The following DENND6A variants were observed in gnomAD, a reference collection of about 807,000 sequenced individuals.
DENND6A encodes DENN domain containing 6A.
Under a neutral mutation model 95.5 loss-of-function variants are expected in DENND6A, and 43 were observed. The ratio of observed to expected loss-of-function variants is 0.45; its 90% CI spans 0.35 to 0.58. The LOEUF (loss-of-function observed/expected upper bound fraction) is 0.58, where lower values mean the gene tolerates loss of function less well. Among genes scored for constraint, DENND6A ranks in the 20% least tolerant of loss-of-function variants. The pLI, the probability that DENND6A is intolerant of heterozygous loss-of-function variation, is 0.00. For missense variants in DENND6A, 574 were observed against 736.0 expected (o/e 0.78, Z 2.55); for synonymous variants, 257 against 260.4 (o/e 0.99, Z 0.13).
intron 7 of DENND6A, among the ~76,000 whole-genome samples, chr3:57,660,238 A>G: frequency 6.7e-6 from 1 of 150,208 alleles, no homozygotes; most frequent in East Asian, 2.0e-4. Context: ...TTTGTCCTGC[A>G]GGCTGGAATG....
chr3:57,647,288 A>T (rs922693545), intron 9 of DENND6A, among the ~76,000 whole-genome samples: 2 of 152,222 alleles, frequency 1.3e-5, no homozygotes, highest in African/African-American at 4.8e-5. Context: ...GTGCCACAAA[A>T]GAAACAAACA....
At chr3:57,659,236 G>A in intron 7 of DENND6A, 56 bp from the exon 8 acceptor site, 1 of 1,555,072 alleles carries the variant, frequency 6.4e-7, no homozygotes. Flanking sequence ...GATGAGAAGT[G>A]CTGTATCCTG....
intron 9 of DENND6A, among the ~76,000 whole-genome samples, chr3:57,652,779 G>A (rs897453914): frequency 1.3e-5 from 2 of 152,136 alleles, no homozygotes; most frequent in East Asian, 1.9e-4. Context: ...AATCTAATCA[G>A]GAGTAAATAC....
chr3:57,676,312 AGAGGTTGCAGT>A (rs1256063741), intron 1 of DENND6A, among the ~76,000 whole-genome samples: 1 of 149,992 alleles, frequency 6.7e-6, no homozygotes, highest in Non-Finnish European at 1.5e-5. Context: ...CCTGGGAGGC[AGAGGTTGCAGT>A]GAGCTGAAAT....
chr3:57,692,643 G>A (rs1021976782), intron 1 of DENND6A, 139 bp downstream of exon 1: 4 of 753,252 alleles, frequency 5.3e-6, no homozygotes, highest in Non-Finnish European at 7.8e-6. Context: ...CAGCCCGAAA[G>A]AGCGCGGGAG....
intron 6 of DENND6A, 99 bp downstream of exon 6, chr3:57,661,347 C>T (rs921035287): frequency 3.7e-5 from 35 of 951,070 alleles, no homozygotes; most frequent in Non-Finnish European, 4.9e-5. Flanking sequence ...TAAGTTCCTA[C>T]CTGAATTTTT....
chr3:57,631,009 G>A (rs1167140976), intron 15 of DENND6A, 31 bp from the exon 16 acceptor site: 6 of 1,600,978 alleles, frequency 3.7e-6, no homozygotes, highest in South Asian at 2.3e-5. Flanking sequence ...AATAAAAGGA[G>A]TGTCTTCAAA....
At chr3:57,685,062 C>A (rs9870559) in intron 1 of DENND6A, among the ~76,000 whole-genome samples, 1 of 151,696 alleles carries the variant, frequency 6.6e-6, no homozygotes, top group Non-Finnish European at 1.5e-5. Context: ...TACAGGTATG[C>A]GCCACCATGC....
At chr3:57,667,299 C>T (rs770184477) in intron 3 of DENND6A, among the ~76,000 whole-genome samples, 3 of 151,866 alleles carry the variant, frequency 2.0e-5, no homozygotes, top group Non-Finnish European at 2.9e-5. Context: ...GGATTACAGG[C>T]GTAAGCCACT....
rs756472610 is a variant in DENND6A at position 57,692,788 on chromosome 3, G to T, written c.231C>A (p.Ala77=). The change falls in exon 1 of 20, where the codon GCC becomes GCA. Residue 77 remains alanine, a synonymous_variant. Transcript: ENST00000311128. ...VVGFDLELGQ[A]VEVIYPQHSK... is the part of the protein sequence containing the mutation. ...GGGCGGGGCCGGGCCTCACCTCCAC[G>T]GCCTGGCCCAGCTCCAGGTCGAAGC... The T allele has an allele frequency of 2.8e-5, 42 of 1,527,074 alleles. No individual in the cohort carries two copies. Among genetic ancestry groups the T allele is most frequent in the Admixed American group, 8.5e-5 (4 of 46,826 alleles). 94.6% of individuals were successfully genotyped at this position (1,527,074 alleles called of 1,614,324 possible).
chr3:57,648,557 A>C (rs1184442609), intron 9 of DENND6A, among the ~76,000 whole-genome samples: 1 of 152,246 alleles, frequency 6.6e-6, no homozygotes, highest in Non-Finnish European at 1.5e-5. Context: ...CTGCATAGCT[A>C]AAGTAAGACT....
intron 11 of DENND6A, among the ~76,000 whole-genome samples, chr3:57,643,060 T>A (rs1405684024): frequency 1.3e-5 from 2 of 149,478 alleles, no homozygotes; most frequent in Admixed American, 6.7e-5. Context: ...AGTTATCTTA[T>A]GAGGAGAGAA....
chr3:57,648,402 T>C (rs1328992171), intron 9 of DENND6A, among the ~76,000 whole-genome samples: 1 of 152,054 alleles, frequency 6.6e-6, no homozygotes, highest in Non-Finnish European at 1.5e-5. Context: ...GTAGAGTCAA[T>C]ATTGTAAAAA....
chr3:57,672,211 T>G (rs754070502), intron 3 of DENND6A, 45 bp downstream of exon 3: 3 of 1,524,098 alleles, frequency 2.0e-6, no homozygotes, highest in Non-Finnish European at 2.7e-6. Context: ...TAACCAGTAT[T>G]CTTAGTATAA....
intron 11 of DENND6A, among the ~76,000 whole-genome samples, chr3:57,643,234 T>C (rs2070990616): frequency 6.6e-6 from 1 of 151,944 alleles, no homozygotes; most frequent in Non-Finnish European, 1.5e-5. Flanking sequence ...AAAGGAGAAA[T>C]TTATGACAAG....
In DENND6A at chr3:57,628,193, G is replaced by T; in HGVS notation, c.*21C>A. On this transcript the variant is annotated 3_prime_UTR_variant, in exon 20 of 20. Transcript: ENST00000311128. The stretch of plus-strand genomic sequence containing the variant: ...GCTTCATGATGCATAATCCTTTTTG[G>T]CTGGAAAATCTTGGCAAATATCATG... 1.2e-6 allele frequency: 2 copies of T among 1,603,886 alleles called. No homozygotes were observed. Among genetic ancestry groups the T allele is most frequent in the Non-Finnish European group, 1.7e-6 (2 of 1,175,694 alleles).
intron 1 of DENND6A, among the ~76,000 whole-genome samples, chr3:57,685,927 G>T (rs2077208229): frequency 6.6e-6 from 1 of 151,624 alleles, no homozygotes; most frequent in Admixed American, 6.6e-5. Context: ...GACAACAGCT[G>T]GTTTACAAGA....
intron 2 of DENND6A, 32 bp downstream of exon 2, chr3:57,672,368 A>C: frequency 1.9e-6 from 3 of 1,611,800 alleles, no homozygotes; most frequent in Non-Finnish European, 1.7e-6. Context: ...GAAATATAAC[A>C]GTAAACTATA....
intron 14 of DENND6A, among the ~76,000 whole-genome samples, chr3:57,634,023 T>A (rs1185205799): frequency 6.6e-6 from 1 of 152,156 alleles, no homozygotes; most frequent in African/African-American, 2.4e-5. Flanking sequence ...TATGGCTTTT[T>A]CACTATAATT....
Sources: gnomAD v4.1 joint callset for allele counts (sites outside exome capture counted in the v4.1 genomes callset) on GRCh38, gnomAD v4.1.1 for gene constraint, MANE v1.5 for transcripts, NCBI Gene and HGNC (gene_info 2026-07-23, HGNC 2026-07-21) for gene names.